ATRX: variants seen among roughly 807,000 people sequenced by gnomAD.
ATRX encodes the protein chromatin remodeler ATRX.
A neutral mutation model predicts 172.6 loss-of-function variants in ATRX; 12 were observed. The observed-to-expected ratio is 0.07, with a 90% CI of 0.04 to 0.11. The LOEUF is 0.11. Ranked by LOEUF, ATRX falls within the 10% of genes least tolerant of loss-of-function variation. The probability of loss-of-function intolerance (pLI) is 1.00; values close to 1 mark genes in which losing one functional copy is unlikely to be tolerated. For missense variants in ATRX, 1,368 were observed against 1,767.4 expected, an observed-to-expected ratio of 0.77 and a Z score of 4.05; for synonymous variants, 674 against 594.7, an observed-to-expected ratio of 1.13 and a Z score of -1.94.
chrX:77,745,860 ATGTC>A (rs1415273972), intron 1 of ATRX, among the ~76,000 whole-genome samples: 1 of 111,930 alleles, frequency 8.9e-6, no homozygotes, highest in Non-Finnish European at 1.9e-5. Context: ...TGAACATTGT[ATGTC>A]TGTATCAATA....
At chrX:77,766,786 A>T (rs1485768060) in intron 1 of ATRX, among the ~76,000 whole-genome samples, 27 of 103,728 alleles carry the variant, frequency 2.6e-4, no homozygotes, top group Admixed American at 5.1e-4. Context: ...ATGGGCGGCC[A>T]GGCAGAGACG....
intron 28 of ATRX, chrX:77,561,720 C>T (rs912440733): frequency 8.1e-5 from 9 of 111,086 alleles, no homozygotes; most frequent in Non-Finnish European, 1.5e-4. Context: ...TTTATTATAA[C>T]CTTTCAAAAA....
intron 30 of ATRX, among the ~76,000 whole-genome samples, chrX:77,548,522 C>T (rs1201196903): frequency 8.9e-6 from 1 of 111,894 alleles, no homozygotes; most frequent in Non-Finnish European, 1.9e-5. Context: ...TCACATACCA[C>T]CATGTGGTTC....
intron 10 of ATRX, 31 bp downstream of exon 10, chrX:77,676,195 C>A: frequency 1.7e-6 from 2 of 1,182,072 alleles, no homozygotes; most frequent in South Asian, 3.6e-5. Flanking sequence ...GTGTTATAAT[C>A]TTTTTAAAGT....
chrX:77,663,745 A>T (rs2070061425), intron 11 of ATRX, among the ~76,000 whole-genome samples, 187 bp from the exon 12 acceptor site: 1 of 112,028 alleles, frequency 8.9e-6, no homozygotes, highest in African/African-American at 3.2e-5. Context: ...TTAAATATTG[A>T]CTAAATATCA....
At chrX:77,667,987 C>G (rs2070351355) in intron 10 of ATRX, among the ~76,000 whole-genome samples, 1 of 111,763 alleles carries the variant, frequency 8.9e-6, no homozygotes, top group Non-Finnish European at 1.9e-5. Flanking sequence ...TAATTTATAG[C>G]TATGTAAATT....
At chrX:77,759,178 T>TAC (rs1251001343) in intron 1 of ATRX, among the ~76,000 whole-genome samples, 1 of 111,437 alleles carries the variant, frequency 9.0e-6, no homozygotes, top group East Asian at 2.9e-4. Flanking sequence ...AGTATTAAAT[T>TAC]ACAGTTATCT....
At chrX:77,701,508 G>A (rs1198388907) in intron 2 of ATRX, among the ~76,000 whole-genome samples, 4 of 101,779 alleles carry the variant, frequency 3.9e-5, no homozygotes, top group African/African-American at 1.1e-4. Context: ...GCAAAACTCC[G>A]TCTCAAAAAA....
intron 28 of ATRX, among the ~76,000 whole-genome samples, chrX:77,571,097 C>T (rs1477224637): frequency 8.9e-6 from 1 of 111,868 alleles, no homozygotes; most frequent in Non-Finnish European, 1.9e-5. Context: ...CTTGATTTCT[C>T]ACACACTGCT....
chrX:77,759,993 A>G (rs2075656645), intron 1 of ATRX, among the ~76,000 whole-genome samples: 1 of 111,341 alleles, frequency 9.0e-6, no homozygotes, highest in Non-Finnish European at 1.9e-5. Flanking sequence ...TTCCTTTGAG[A>G]GTCATGTCAG....
chrX:77,708,768 T>C (rs1557158794), intron 2 of ATRX, among the ~76,000 whole-genome samples: 1 of 112,523 alleles, frequency 8.9e-6, no homozygotes, highest in Non-Finnish European at 1.9e-5. Context: ...AGTTTCTTTT[T>C]GAGGTGATAA....
At chrX:77,775,753 G>A (rs919972301) in intron 1 of ATRX, among the ~76,000 whole-genome samples, 5 of 77,341 alleles carry the variant, frequency 6.5e-5, no homozygotes, top group Non-Finnish European at 1.5e-4. Flanking sequence ...ATTTATTTTT[G>A]AAACGGAATC....
At chrX:77,626,526 C>A (rs2067858682) in intron 19 of ATRX, among the ~76,000 whole-genome samples, 1 of 111,531 alleles carries the variant, frequency 9.0e-6, no homozygotes, top group Non-Finnish European at 1.9e-5. Context: ...GAGTGTGTTG[C>A]AGAATAGTTA....
At chrX:77,634,243 A>AAAT (rs1365831806) in intron 17 of ATRX, among the ~76,000 whole-genome samples, 3 of 106,481 alleles carry the variant, frequency 2.8e-5, no homozygotes, top group African/African-American at 3.4e-5. Context: ...AAAAAAAAAA[A>AAAT]AAAAAAAAAA....
chrX:77,760,868 T>TA (rs2075691416), intron 1 of ATRX, among the ~76,000 whole-genome samples: 1 of 112,221 alleles, frequency 8.9e-6, no homozygotes, highest in Non-Finnish European at 1.9e-5. Context: ...GCTACAGAAA[T>TA]ATTTAGTGTG....
At chrX:77,667,295 A>ATATGTGTG (rs1269009251) in intron 10 of ATRX, among the ~76,000 whole-genome samples, 1 of 89,056 alleles carries the variant, frequency 1.1e-5, no homozygotes, top group Non-Finnish European at 2.2e-5. Context: ...ACGAATAAAT[A>ATATGTGTG]TGTGTGTGTG....
chrX:77,528,528 C>G (rs5959714), intron 30 of ATRX, among the ~76,000 whole-genome samples: 4,556 of 110,281 alleles, frequency 0.041, 113 homozygotes, highest in Non-Finnish European at 0.067. Context: ...CTGGAGCAAA[C>G]CCCCAGCTAA....
chrX:77,677,449 T>A (rs1181667728), intron 9 of ATRX, among the ~76,000 whole-genome samples: 1 of 111,680 alleles, frequency 9.0e-6, no homozygotes, highest in Non-Finnish European at 1.9e-5. Context: ...CTTGTGATAA[T>A]GGAACTGGTT....
At chrX:77,610,164 T>A (rs996946487) in intron 22 of ATRX, among the ~76,000 whole-genome samples, 17 of 111,458 alleles carry the variant, frequency 1.5e-4, no homozygotes, top group Non-Finnish European at 2.1e-4. Flanking sequence ...CTATACAATA[T>A]CATGTCACCT....
Sources: allele counts gnomAD v4.1 joint callset (sites outside exome capture counted in the v4.1 genomes callset), GRCh38; gene constraint gnomAD v4.1.1; transcripts MANE v1.5; gene names NCBI Gene and HGNC (gene_info 2026-07-23, HGNC 2026-07-21).